SDC3: variants seen among roughly 807,000 people sequenced by gnomAD.
The protein encoded by SDC3 is syndecan-3.
In SDC3, 13 loss-of-function variants were observed where a neutral mutation model predicts 24.4. The ratio of observed to expected loss-of-function variants is 0.53; its 90% CI spans 0.35 to 0.85. The LOEUF is 0.85. Among genes scored for constraint, SDC3 ranks in the 40% least tolerant of loss-of-function variants. SDC3 has a pLI of 0.01. For missense variants in SDC3, 571 were observed against 584.5 expected, an observed-to-expected ratio of 0.98 and a Z score of 0.24; for synonymous variants, 295 against 260.9, an observed-to-expected ratio of 1.13 and a Z score of -1.26.
At chr1:30,875,494 G>A (rs1394323645) in intron 3 of SDC3, among the ~76,000 whole-genome samples, 1 of 152,186 alleles carries the variant, frequency 6.6e-6, no homozygotes, top group East Asian at 1.9e-4. Flanking sequence ...GACTGACACT[G>A]ACCCCAAGGC....
chr1:30,894,716 G>A (rs1639976071), intron 1 of SDC3, among the ~76,000 whole-genome samples: 1 of 146,988 alleles, frequency 6.8e-6, no homozygotes, highest in African/African-American at 2.5e-5. Flanking sequence ...GTGTGTGTGG[G>A]GAGTGTGTGT....
At chr1:30,891,527 T>A (rs143180227) in intron 1 of SDC3, among the ~76,000 whole-genome samples, 1 of 152,240 alleles carries the variant, frequency 6.6e-6, no homozygotes, top group East Asian at 1.9e-4. Flanking sequence ...TTAGGCCCTG[T>A]CTTGAGCCTC....
chr1:30,887,464 G>T (rs1639846456), intron 1 of SDC3, among the ~76,000 whole-genome samples: 1 of 152,130 alleles, frequency 6.6e-6, no homozygotes. Flanking sequence ...GTGCCTAGTG[G>T]TGATAGGCAG....
chr1:30,908,620 GC>G lies in SDC3; in HGVS notation c.-35del. ...CGCGGGCGCGGGCGGCGGGCGGCGG[GC>G]GGGCGCCTTTGTTCCCGAGGCGCGG... On this transcript the variant is annotated 5_prime_UTR_variant, in exon 1 of 5. Transcript: ENST00000339394. 1 of 902,294 alleles carries G rather than the reference GC, an allele frequency of 1.1e-6. No individual in the cohort carries two copies. The highest frequency in any genetic ancestry group is 1.3e-6 in the Non-Finnish European group (1 of 757,936). The allele number at this position is 902,294 out of a possible 1,614,324, so 55.9% of individuals were successfully genotyped here. A position where few individuals can be genotyped will look rare whatever the true frequency, so the allele number is the denominator to read the frequency against.
Position 30,869,941 on chromosome 1 carries a change from A to G in SDC3, c.*3270T>C, listed in dbSNP as rs1639503624. 1 of 398,468 alleles carries G rather than the reference A, an allele frequency of 2.5e-6. No individual in the cohort carries two copies. Among genetic ancestry groups the G allele is most frequent in the Admixed American group, 4.4e-5 (1 of 22,706 alleles). 24.7% of individuals were successfully genotyped at this position (398,468 alleles called of 1,614,324 possible). ...CAGGCACCTGGGGGATGCTGGGGCC[A>G]TCGGCTCTCAGATGGCAACTCCCAG... is the stretch of plus-strand genomic sequence containing the variant. On this transcript the variant is annotated 3_prime_UTR_variant, in exon 5 of 5. Coordinates refer to ENST00000339394, the MANE Select transcript of SDC3 (RefSeq NM_014654.4).
intron 1 of SDC3, among the ~76,000 whole-genome samples, chr1:30,905,356 A>AC (rs1638499140): frequency 1.3e-5 from 1 of 77,234 alleles, no homozygotes; most frequent in African/African-American, 5.3e-5. Context: ...CTCTCTCACA[A>AC]ACACACACAC....
chr1:30,893,303 G>GCCCCCCCCC (rs59392837), intron 1 of SDC3, among the ~76,000 whole-genome samples: 3 of 13,522 alleles, frequency 2.2e-4, no homozygotes, highest in African/African-American at 5.3e-4. Context: ...CCCACCAGGA[G>GCCCCCCCCC]CCCCCCCCCC....
At chr1:30,891,649 G>C (rs148262083) in intron 1 of SDC3, among the ~76,000 whole-genome samples, 1 of 151,934 alleles carries the variant, frequency 6.6e-6, no homozygotes, top group East Asian at 1.9e-4. Flanking sequence ...AGGCTGAGGC[G>C]GGTGGATCAC....
intron 1 of SDC3, among the ~76,000 whole-genome samples, chr1:30,894,836 T>C (rs545842468): frequency 6.6e-6 from 1 of 152,072 alleles, no homozygotes; most frequent in South Asian, 2.1e-4. Context: ...CATGTGTGTA[T>C]GCCTAGGGCT....
chr1:30,876,461 G>C lies in SDC3; in HGVS notation c.870+91C>G, dbSNP rs113819157. The C allele has an allele frequency of 1.2e-3, 1,382 of 1,136,074 alleles. 16 individuals are homozygous for C. The African/African-American group carries it at 0.019, about 16-fold the overall frequency. 70.4% of individuals were successfully genotyped at this position (1,136,074 alleles called of 1,614,324 possible). A position where few individuals can be genotyped will look rare whatever the true frequency, so the allele number is the denominator to read the frequency against. On this transcript the variant is annotated intron_variant, in intron 3 of 4. Transcript: ENST00000339394. ...GTCTGGCTCATCTCTATAGCCTCCT[G>C]GTCCTCAGTCCTGTCCAGCCCCATC...
chr1:30,885,715 C>T (rs1411713117), intron 1 of SDC3, among the ~76,000 whole-genome samples: 1 of 152,240 alleles, frequency 6.6e-6, no homozygotes, highest in Non-Finnish European at 1.5e-5. Flanking sequence ...GGCTCCCTCC[C>T]CTGGCATCAG....
chr1:30,896,720 G>C (rs1307286592), intron 1 of SDC3, among the ~76,000 whole-genome samples: 1 of 152,156 alleles, frequency 6.6e-6, no homozygotes, highest in Admixed American at 6.5e-5. Context: ...TCAGCATTTT[G>C]GGAGGCTGAG....
At chr1:30,892,562 G>T (rs1357876469) in intron 1 of SDC3, among the ~76,000 whole-genome samples, 1 of 152,208 alleles carries the variant, frequency 6.6e-6, no homozygotes, top group Admixed American at 6.5e-5. Context: ...CTCAAAGTTG[G>T]ACTTCAGGCA....
intron 1 of SDC3, among the ~76,000 whole-genome samples, chr1:30,894,343 T>A (rs9700360): frequency 1.0e-4 from 8 of 79,750 alleles, no homozygotes; most frequent in Non-Finnish European, 9.3e-5. Flanking sequence ...GTGTGTGGGG[T>A]GTGTGGATGA....
chr1:30,897,817 T>C lies in SDC3; in HGVS notation c.138+10632A>G, dbSNP rs114990995. ...CTCTTTTGTAAAATGAAGATTACAA[T>C]GGCATCTCCCTCATAAGGCTAAGGA... On this transcript the variant is annotated intron_variant, in intron 1 of 4. Transcript: ENST00000339394. Among the ~76,000 whole-genome samples, 502 of 152,334 alleles carry C rather than the reference T, an allele frequency of 3.3e-3. 3 individuals carry two copies. The highest frequency in any genetic ancestry group is 0.011 in the African/African-American group (460 of 41,574).
At chr1:30,903,102 C>T (rs1374359171) in intron 1 of SDC3, among the ~76,000 whole-genome samples, 1 of 152,184 alleles carries the variant, frequency 6.6e-6, no homozygotes, top group Admixed American at 6.5e-5. Context: ...TGGGGGACCC[C>T]CACCAAGTCA....
intron 1 of SDC3, among the ~76,000 whole-genome samples, chr1:30,903,700 C>T (rs898204487): frequency 6.6e-6 from 1 of 152,154 alleles, no homozygotes; most frequent in African/African-American, 2.4e-5. Context: ...GCCAGAAGAG[C>T]AGGCATTTAC....
rs1051111186 is a variant in SDC3, at chr1:30,870,245, G to A, written c.*2966C>T. ...TGGTTGCCACCCACATGCCTCCAGC[G>A]ATCAAGGGGACCAGTCTTTCAGGCA... On this transcript the variant is annotated 3_prime_UTR_variant, in exon 5 of 5. Transcript: ENST00000339394. The A allele has an allele frequency of 3.0e-5, 7 of 229,892 alleles. No individual in the cohort carries two copies. The highest frequency in any genetic ancestry group is 2.3e-4 in the Admixed American group (4 of 17,438). 14.2% of individuals were successfully genotyped at this position (229,892 alleles called of 1,614,324 possible). A position where few individuals can be genotyped will look rare whatever the true frequency, so the allele number is the denominator to read the frequency against.
At chr1:30,902,167 T>C (rs1638425877) in intron 1 of SDC3, among the ~76,000 whole-genome samples, 1 of 152,164 alleles carries the variant, frequency 6.6e-6, no homozygotes, top group Admixed American at 6.5e-5. Context: ...CCTCTCCACC[T>C]GGTATAAAAG....
Sources: allele counts gnomAD v4.1 joint callset (sites outside exome capture counted in the v4.1 genomes callset), GRCh38; gene constraint gnomAD v4.1.1; transcripts MANE v1.5; gene names NCBI Gene and HGNC (gene_info 2026-07-23, HGNC 2026-07-21).